Variants in SGCZ observed in about 807,000 individuals in gnomAD.
SGCZ encodes sarcoglycan zeta, also known as zeta-sarcoglycan.
A neutral mutation model predicts 41.3 loss-of-function variants in SGCZ; 40 were observed. That is an observed-to-expected ratio of 0.97 (90% confidence interval 0.75 to 1.26). The LOEUF is 1.26. Ranked by LOEUF, SGCZ falls within the 50% of genes most tolerant of loss-of-function variation. The pLI, the probability that SGCZ is intolerant of heterozygous loss-of-function variation, is 0.00. For missense variants in SGCZ, 552 were observed against 369.8 expected, an observed-to-expected ratio of 1.49 and a Z score of -4.04; for synonymous variants, 206 against 137.5, an observed-to-expected ratio of 1.50 and a Z score of -3.49.
At chr8:14,712,727 C>T (rs1317410391) in intron 1 of SGCZ, among the ~76,000 whole-genome samples, 3 of 152,116 alleles carry the variant, frequency 2.0e-5, no homozygotes, top group Non-Finnish European at 4.4e-5. Flanking sequence ...GTTTTATTTT[C>T]CTGGTTATTT....
At chr8:14,849,798 A>G (rs568031091) in intron 1 of SGCZ, among the ~76,000 whole-genome samples, 2 of 152,334 alleles carry the variant, frequency 1.3e-5, no homozygotes, top group Non-Finnish European at 2.9e-5. Flanking sequence ...CTGTGCTTCA[A>G]TAAAGTTGTT....
intron 1 of SGCZ, among the ~76,000 whole-genome samples, chr8:14,803,639 G>A (rs1801411642): frequency 6.6e-6 from 1 of 152,132 alleles, no homozygotes; most frequent in South Asian, 2.1e-4. Flanking sequence ...CAAGGTGGCA[G>A]TGAGGCTGGG....
At chr8:14,420,661 T>C (rs547626536) in intron 2 of SGCZ, among the ~76,000 whole-genome samples, 11 of 152,130 alleles carry the variant, frequency 7.2e-5, no homozygotes, top group Admixed American at 3.3e-4. Flanking sequence ...TGTTCAGCAA[T>C]AGAACTGGAG....
intron 7 of SGCZ, among the ~76,000 whole-genome samples, chr8:14,096,355 G>C (rs948788400): frequency 6.6e-6 from 1 of 152,034 alleles, no homozygotes; most frequent in African/African-American, 2.4e-5. Flanking sequence ...CATCTATTGA[G>C]ATAAACAGAA....
At chr8:15,226,169 T>C (rs1353941739) in intron 1 of SGCZ, among the ~76,000 whole-genome samples, 2 of 152,122 alleles carry the variant, frequency 1.3e-5, no homozygotes, top group African/African-American at 4.8e-5. Context: ...TTCCTTGAAA[T>C]CCTTCGGACC....
chr8:14,440,869 A>G (rs989188659), intron 2 of SGCZ, among the ~76,000 whole-genome samples: 5 of 151,634 alleles, frequency 3.3e-5, no homozygotes, highest in African/African-American at 1.2e-4. Flanking sequence ...ACACACACAC[A>G]CACGCACACA....
intron 2 of SGCZ, among the ~76,000 whole-genome samples, chr8:14,504,754 C>A (rs1802256224): frequency 6.6e-6 from 1 of 152,246 alleles, no homozygotes; most frequent in African/African-American, 2.4e-5. Flanking sequence ...CTTCTGCTTT[C>A]TTCTGGAAGA....
chr8:14,718,961 T>C (rs1227554774), intron 1 of SGCZ, among the ~76,000 whole-genome samples: 1 of 149,298 alleles, frequency 6.7e-6, no homozygotes, highest in African/African-American at 2.5e-5. Flanking sequence ...CATTAACTCG[T>C]CATTTAGCAT....
intron 1 of SGCZ, among the ~76,000 whole-genome samples, chr8:14,770,852 C>G (rs2130391917): frequency 6.6e-6 from 1 of 152,012 alleles, no homozygotes; most frequent in Admixed American, 6.5e-5. Context: ...CTGATGTATC[C>G]AGGGAATCAA....
rs913838764 is a variant in SGCZ at position 14,856,816 on chromosome 8, T to G, written c.40-301890A>C. The stretch of plus-strand genomic sequence containing the variant: ...AGCAGGGAAAGAGGTTAATTAAATA[T>G]TGTTAAGTAATTAAAAGCAAACCAT... On this transcript the variant is annotated intron_variant, in intron 1 of 7. Coordinates refer to ENST00000382080, the MANE Select transcript of SGCZ (RefSeq NM_139167.4). 1.3e-5 allele frequency among the ~76,000 whole-genome samples: 2 copies of G among 152,156 alleles called. 1 individual carries two copies.
intron 3 of SGCZ, among the ~76,000 whole-genome samples, chr8:14,269,685 G>C (rs1392381095): frequency 1.3e-5 from 2 of 152,026 alleles, no homozygotes; most frequent in Non-Finnish European, 2.9e-5. Flanking sequence ...AAATTCTGGA[G>C]GACAAAATGC....
At chr8:14,832,752 A>T (rs1403186183) in intron 1 of SGCZ, among the ~76,000 whole-genome samples, 2 of 152,140 alleles carry the variant, frequency 1.3e-5, no homozygotes, top group Non-Finnish European at 2.9e-5. Flanking sequence ...CTTTCCTATG[A>T]ATATTAGGCT....
intron 2 of SGCZ, among the ~76,000 whole-genome samples, chr8:14,505,533 G>A (rs1413505508): frequency 6.6e-6 from 1 of 152,138 alleles, no homozygotes; most frequent in Non-Finnish European, 1.5e-5. Context: ...TTATACCTAT[G>A]TCAAAATGCA....
At chr8:14,964,635 G>T (rs1356734285) in intron 1 of SGCZ, among the ~76,000 whole-genome samples, 1 of 152,116 alleles carries the variant, frequency 6.6e-6, no homozygotes, top group African/African-American at 2.4e-5. Flanking sequence ...CCTGAAAAGT[G>T]GTCCTGAATT....
chr8:14,821,363 T>G (rs1802076663), intron 1 of SGCZ, among the ~76,000 whole-genome samples: 1 of 152,078 alleles, frequency 6.6e-6, no homozygotes, highest in South Asian at 2.1e-4. Flanking sequence ...GAACATCTGT[T>G]GGTTTTACTG....
chr8:14,523,644 T>C (rs545942745), intron 2 of SGCZ, among the ~76,000 whole-genome samples: 1 of 152,076 alleles, frequency 6.6e-6, no homozygotes, highest in Non-Finnish European at 1.5e-5. Flanking sequence ...TGTGTCTAGC[T>C]TTAGATTTCT....
chr8:14,776,850 T>C (rs1005744090), intron 1 of SGCZ, among the ~76,000 whole-genome samples: 3 of 152,220 alleles, frequency 2.0e-5, no homozygotes, highest in African/African-American at 7.2e-5. Flanking sequence ...AAACTCTTCA[T>C]TGTGTTAAAA....
rs532691684 is a variant in SGCZ, at chr8:14,541,670, T to C, written c.234+13062A>G. ...CCAATAATGGAATTGCTGGGTCAAATGGTAGTTCTGATTCTAGATCCTTGA... is the reference window on the plus strand; with the variant it reads ...CCAATAATGGAATTGCTGGGTCAAACGGTAGTTCTGATTCTAGATCCTTGA... On this transcript the variant is annotated intron_variant, in intron 2 of 7. Coordinates refer to ENST00000382080, the MANE Select transcript of SGCZ (RefSeq NM_139167.4). Among the ~76,000 whole-genome samples the C allele has an allele frequency of 7.2e-5, 11 of 152,272 alleles. No individual in the cohort carries two copies. In the East Asian group the frequency reaches 1.9e-3, roughly 27 times the overall value.
At position 14,755,677 on chromosome 8, in the gene SGCZ, A is replaced by G. The variant is rs189087193; in HGVS notation, c.40-200751T>C. On this transcript the variant is annotated intron_variant, in intron 1 of 7. Coordinates refer to ENST00000382080, the MANE Select transcript of SGCZ (RefSeq NM_139167.4). ...GAATTAGATATACATATACACTTCT[A>G]TGGCTGGCCCATGATCTTTATTGGT... Among the ~76,000 whole-genome samples the G allele has an allele frequency of 2.0e-3, 312 of 152,222 alleles. 1 individual carries two copies. Among genetic ancestry groups the G allele is most frequent in the Non-Finnish European group, 2.3e-3 (155 of 68,012 alleles).
Sources: gnomAD v4.1 joint callset for allele counts (sites outside exome capture counted in the v4.1 genomes callset) on GRCh38, gnomAD v4.1.1 for gene constraint, MANE v1.5 for transcripts, NCBI Gene and HGNC (gene_info 2026-07-23, HGNC 2026-07-21) for gene names.